The following LRRTM4 variants were observed in gnomAD, a reference collection of about 807,000 sequenced individuals.
The protein encoded by LRRTM4 is leucine rich repeat transmembrane neuronal 4, also known as leucine-rich repeat transmembrane neuronal protein 4.
A neutral mutation model predicts 47.6 loss-of-function variants in LRRTM4; 25 were observed. The ratio of observed to expected loss-of-function variants is 0.53; its 90% CI spans 0.38 to 0.73. The LOEUF (loss-of-function observed/expected upper bound fraction) is 0.73, where lower values mean the gene tolerates loss of function less well. Ranked by LOEUF, LRRTM4 falls within the 30% of genes least tolerant of loss-of-function variation. The probability of loss-of-function intolerance (pLI) is 0.00; values close to 1 mark genes in which losing one functional copy is unlikely to be tolerated. For missense variants in LRRTM4, 638 were observed against 713.4 expected (o/e 0.89, Z 1.20); for synonymous variants, 311 against 269.5 (o/e 1.15, Z -1.51).
intron 3 of LRRTM4, among the ~76,000 whole-genome samples, chr2:77,034,248 A>G (rs1006077968): frequency 4.6e-5 from 7 of 151,994 alleles, no homozygotes; most frequent in Non-Finnish European, 1.0e-4. Context: ...TAAGGTAAAC[A>G]TCCTTGTCAC....
intron 3 of LRRTM4, among the ~76,000 whole-genome samples, chr2:76,955,261 A>G (rs552486560): frequency 6.6e-6 from 1 of 151,950 alleles, no homozygotes; most frequent in East Asian, 2.0e-4. Flanking sequence ...AAAAATAACT[A>G]CAACGATTAA....
chr2:77,051,570 A>G (rs1679433745), intron 3 of LRRTM4, among the ~76,000 whole-genome samples: 1 of 152,192 alleles, frequency 6.6e-6, no homozygotes, highest in African/African-American at 2.4e-5. Flanking sequence ...CCAGTGAATC[A>G]CTAGCCATGT....
chr2:77,280,103 C>T (rs1447601013), intron 3 of LRRTM4, among the ~76,000 whole-genome samples: 2 of 151,934 alleles, frequency 1.3e-5, no homozygotes, highest in African/African-American at 2.4e-5. Flanking sequence ...CTTGGGTGAG[C>T]CCAATATAAT....
chr2:77,144,513 G>A (rs1245696137), intron 3 of LRRTM4, among the ~76,000 whole-genome samples: 3 of 152,054 alleles, frequency 2.0e-5, no homozygotes, highest in Admixed American at 6.5e-5. Flanking sequence ...TGAATTACAC[G>A]GAAGAAAAAC....
chr2:76,754,088 G>C (rs1672944314), intron 3 of LRRTM4, among the ~76,000 whole-genome samples: 1 of 152,106 alleles, frequency 6.6e-6, no homozygotes, highest in Non-Finnish European at 1.5e-5. Flanking sequence ...TTAAAGGATA[G>C]TGTCTAACTA....
At chr2:76,835,972 A>G (rs989555579) in intron 3 of LRRTM4, among the ~76,000 whole-genome samples, 6 of 152,022 alleles carry the variant, frequency 3.9e-5, no homozygotes, top group African/African-American at 1.4e-4. Context: ...TGATAGTAGA[A>G]CCTCTGAAAT....
At chr2:77,268,778 T>C (rs1676118612) in intron 3 of LRRTM4, among the ~76,000 whole-genome samples, 1 of 152,194 alleles carries the variant, frequency 6.6e-6, no homozygotes, top group African/African-American at 2.4e-5. Context: ...GTATCCATAG[T>C]TACACTAAAC....
intron 3 of LRRTM4, among the ~76,000 whole-genome samples, chr2:76,937,561 A>G (rs1674997926): frequency 6.6e-6 from 1 of 152,098 alleles, no homozygotes; most frequent in Admixed American, 6.5e-5. Flanking sequence ...TATCTTTACA[A>G]AATCTTTCTT....
chr2:76,933,174 T>A (rs1267409040), intron 3 of LRRTM4, among the ~76,000 whole-genome samples: 1 of 152,126 alleles, frequency 6.6e-6, no homozygotes, highest in Non-Finnish European at 1.5e-5. Context: ...TGAAATGCCA[T>A]CAATTCCCTT....
At chr2:77,419,123 G>T (rs1674764299) in intron 3 of LRRTM4, among the ~76,000 whole-genome samples, 1 of 152,142 alleles carries the variant, frequency 6.6e-6, no homozygotes, top group Non-Finnish European at 1.5e-5. Flanking sequence ...TGTTGCATGA[G>T]TGAACACATA....
intron 3 of LRRTM4, among the ~76,000 whole-genome samples, chr2:76,861,325 T>C (rs1009900801): frequency 6.6e-5 from 10 of 152,040 alleles, no homozygotes; most frequent in Non-Finnish European, 1.2e-4. Flanking sequence ...TTATTTTTAG[T>C]TTTTTTTAAA....
intron 3 of LRRTM4, among the ~76,000 whole-genome samples, chr2:77,084,618 C>T (rs950066733): frequency 6.6e-6 from 1 of 152,128 alleles, no homozygotes; most frequent in South Asian, 2.1e-4. Context: ...GAGTATAGCT[C>T]TGTAGCTTGA....
At chr2:77,292,246 G>T (rs201460208) in intron 3 of LRRTM4, among the ~76,000 whole-genome samples, 1 of 149,960 alleles carries the variant, frequency 6.7e-6, no homozygotes, top group African/African-American at 2.5e-5. Context: ...TACACTGTTG[G>T]TGGGACTGTA....
At position 77,354,914 on chromosome 2, in the gene LRRTM4, C is replaced by T. The variant is rs193121895; in HGVS notation, c.1551+163404G>A. On this transcript the variant is annotated intron_variant, in intron 3 of 3. Coordinates refer to ENST00000409884, the MANE Select transcript of LRRTM4 (RefSeq NM_001134745.3). Reference sequence around the variant, plus strand: ...TTCTCTGTCCCTCATTGGTTAAGGGCCCCTGTTTCCTCAATTGGCTTACAC... The same window carrying T: ...TTCTCTGTCCCTCATTGGTTAAGGGTCCCTGTTTCCTCAATTGGCTTACAC... Among the ~76,000 whole-genome samples, 207 of 151,344 alleles carry T rather than the reference C, an allele frequency of 1.4e-3. 2 individuals are homozygous for T. The highest frequency in any genetic ancestry group is 0.01 in the Middle Eastern group (3 of 294).
chr2:77,316,141 T>C (rs576380855), intron 3 of LRRTM4, among the ~76,000 whole-genome samples: 1 of 152,306 alleles, frequency 6.6e-6, no homozygotes, highest in East Asian at 1.9e-4. Context: ...AGATTCTTGC[T>C]GCTTGCTTTA....
intron 3 of LRRTM4, among the ~76,000 whole-genome samples, chr2:76,827,896 G>A (rs1467008560): frequency 2.0e-5 from 3 of 151,766 alleles, no homozygotes; most frequent in Admixed American, 6.6e-5. Context: ...CACAGTTACT[G>A]TTTCTAAAAA....
intron 3 of LRRTM4, among the ~76,000 whole-genome samples, chr2:76,935,552 G>A (rs1462520540): frequency 1.3e-5 from 2 of 152,054 alleles, no homozygotes; most frequent in Non-Finnish European, 2.9e-5. Context: ...AGTTCTCCTT[G>A]AAAAGGTCCT....
chr2:77,458,000 T>C (rs1167693206), intron 3 of LRRTM4, among the ~76,000 whole-genome samples: 1 of 152,172 alleles, frequency 6.6e-6, no homozygotes, highest in Non-Finnish European at 1.5e-5. Context: ...CCAAATTGGA[T>C]GGCAGTTAAA....
intron 3 of LRRTM4, among the ~76,000 whole-genome samples, chr2:77,298,503 C>G (rs1677037917): frequency 6.6e-6 from 1 of 152,186 alleles, no homozygotes; most frequent in Non-Finnish European, 1.5e-5. Context: ...TCCCAAAGTG[C>G]TGGGATTACA....
Sources: gnomAD v4.1 joint callset for allele counts (sites outside exome capture counted in the v4.1 genomes callset) on GRCh38, gnomAD v4.1.1 for gene constraint, MANE v1.5 for transcripts, NCBI Gene and HGNC (gene_info 2026-07-23, HGNC 2026-07-21) for gene names.